The following SV2C variants were observed in gnomAD, a reference collection of about 807,000 sequenced individuals.
The protein encoded by SV2C is synaptic vesicle glycoprotein 2C.
In SV2C, 49 loss-of-function variants were observed where a neutral mutation model predicts 79.7. The ratio of observed to expected loss-of-function variants is 0.61; its 90% confidence interval spans 0.49 to 0.78. The LOEUF (loss-of-function observed/expected upper bound fraction) is 0.78. SV2C is among the 30% of genes least tolerant of loss of function. The probability of loss-of-function intolerance (pLI) is 0.00; values close to 1 mark genes in which losing one functional copy is unlikely to be tolerated. For missense variants in SV2C, 833 were observed against 912.9 expected (o/e 0.91, Z 1.13); for synonymous variants, 334 against 333.2 (o/e 1.00, Z -0.03).
chr5:76,019,667 C>T, the SV2C span, among the ~76,000 whole-genome samples: 1 of 151,972 alleles, frequency 6.6e-6, no homozygotes, highest in Non-Finnish European at 1.5e-5. Flanking sequence ...ACCCAAGACT[C>T]TCGGATGAGA....
the SV2C span, among the ~76,000 whole-genome samples, chr5:76,030,278 T>A: frequency 8.6e-6 from 1 of 116,912 alleles, no homozygotes; most frequent in African/African-American, 3.5e-5. Context: ...TTTTTTTTTT[T>A]TTTTTTTTTT....
At chr5:76,051,134 TAGTC>T in the SV2C span, among the ~76,000 whole-genome samples, 2 of 152,136 alleles carry the variant, frequency 1.3e-5, no homozygotes, top group African/African-American at 4.8e-5. Context: ...TAGACCTTAA[TAGTC>T]TGTGAGTAAA....
chr5:75,886,594 C>G, the SV2C span, among the ~76,000 whole-genome samples: 4 of 152,152 alleles, frequency 2.6e-5, no homozygotes, highest in Non-Finnish European at 5.9e-5. Context: ...TGGCTTTAAG[C>G]AGATATTTGC....
At chr5:76,189,632 G>A (rs566804127) in intron 2 of SV2C, among the ~76,000 whole-genome samples, 1 of 152,296 alleles carries the variant, frequency 6.6e-6, no homozygotes, top group East Asian at 1.9e-4. Flanking sequence ...TGGATGCAGA[G>A]TGAGAGATTT....
the SV2C span, among the ~76,000 whole-genome samples, chr5:75,913,297 G>A: frequency 6.6e-6 from 1 of 152,134 alleles, no homozygotes; most frequent in Non-Finnish European, 1.5e-5. Flanking sequence ...CTCCAGATAT[G>A]GACCACACTT....
the SV2C span, among the ~76,000 whole-genome samples, chr5:75,964,268 T>C: frequency 1.3e-5 from 2 of 152,210 alleles, no homozygotes; most frequent in Non-Finnish European, 2.9e-5. Context: ...ACCAACAGGC[T>C]TGCCTTGAAT....
the SV2C span, among the ~76,000 whole-genome samples, chr5:75,907,941 C>T: frequency 6.6e-6 from 1 of 152,244 alleles, no homozygotes; most frequent in Non-Finnish European, 1.5e-5. Flanking sequence ...ACACAGCCAT[C>T]TCTTCATAGG....
chr5:76,167,131 G>A (rs1340859717), intron 2 of SV2C, among the ~76,000 whole-genome samples: 3 of 152,170 alleles, frequency 2.0e-5, no homozygotes, highest in Non-Finnish European at 4.4e-5. Context: ...AGGAGAATAG[G>A]CCAGGCTGAC....
the SV2C span, among the ~76,000 whole-genome samples, chr5:75,908,663 C>A: frequency 1.3e-5 from 2 of 152,128 alleles, no homozygotes; most frequent in Non-Finnish European, 2.9e-5. Flanking sequence ...GTCAGAAATG[C>A]CCCCTGCCCT....
chr5:76,020,314 A>C, the SV2C span, among the ~76,000 whole-genome samples: 1 of 152,142 alleles, frequency 6.6e-6, no homozygotes, highest in Non-Finnish European at 1.5e-5. Context: ...ATACTCTACA[A>C]ATGTCTACGG....
the SV2C span, among the ~76,000 whole-genome samples, chr5:75,998,656 G>T: frequency 6.6e-6 from 1 of 151,808 alleles, no homozygotes; most frequent in East Asian, 1.9e-4. Context: ...GTGTGTGTAT[G>T]TGTGAATGTG....
At chr5:76,050,270 G>A in the SV2C span, among the ~76,000 whole-genome samples, 3 of 152,160 alleles carry the variant, frequency 2.0e-5, no homozygotes, top group Non-Finnish European at 4.4e-5. Flanking sequence ...ATTGTACTTG[G>A]TTTCAATGTA....
the SV2C span, among the ~76,000 whole-genome samples, chr5:75,851,663 C>T: frequency 8.7e-3 from 1,319 of 151,068 alleles, 28 homozygotes; most frequent in African/African-American, 0.031. Flanking sequence ...TTTTCTGAGA[C>T]GGAGTCTTGC....
intron 1 of SV2C, among the ~76,000 whole-genome samples, chr5:76,099,816 T>A (rs1275654484): frequency 6.6e-6 from 1 of 152,226 alleles, no homozygotes; most frequent in African/African-American, 2.4e-5. Context: ...CGAGCTGAAT[T>A]TCTCATCCAC....
chr5:76,107,050 C>T (rs977474150), intron 1 of SV2C, among the ~76,000 whole-genome samples: 1 of 152,114 alleles, frequency 6.6e-6, no homozygotes, highest in Non-Finnish European at 1.5e-5. Flanking sequence ...ATGTGTTATG[C>T]AGTTGAGGTA....
intron 2 of SV2C, among the ~76,000 whole-genome samples, chr5:76,166,766 C>G (rs988667515): frequency 1.3e-5 from 2 of 152,216 alleles, no homozygotes; most frequent in South Asian, 2.1e-4. Context: ...ACACCAGAAC[C>G]CTTCTTTAGG....
chr5:76,232,800 C>G (rs1431836616), intron 4 of SV2C, among the ~76,000 whole-genome samples: 1 of 143,322 alleles, frequency 7.0e-6, no homozygotes, highest in Non-Finnish European at 1.5e-5. Context: ...TGATCTATAT[C>G]TCTGTTTTGG....
At chr5:76,323,536 G>A (rs566752627) in intron 12 of SV2C, among the ~76,000 whole-genome samples, 2 of 152,198 alleles carry the variant, frequency 1.3e-5, no homozygotes, top group Non-Finnish European at 2.9e-5. Flanking sequence ...CCATTACTGG[G>A]TATGTACCCA....
At chr5:76,067,323 G>A in the SV2C span, among the ~76,000 whole-genome samples, 6 of 151,362 alleles carry the variant, frequency 4.0e-5, no homozygotes, top group African/African-American at 1.2e-4. Context: ...TATTTGTCAC[G>A]AATATTTTCC....
Sources: gnomAD v4.1 joint callset for allele counts (sites outside exome capture counted in the v4.1 genomes callset) on GRCh38, gnomAD v4.1.1 for gene constraint, MANE v1.5 for transcripts, NCBI Gene and HGNC (gene_info 2026-07-23, HGNC 2026-07-21) for gene names.